LTBP1: variants seen among roughly 807,000 people sequenced by gnomAD.
LTBP1 encodes the protein latent transforming growth factor beta binding protein 1.
Under a neutral mutation model 207.6 loss-of-function variants are expected in LTBP1, and 129 were observed. The ratio of observed to expected loss-of-function variants is 0.62; its 90% CI spans 0.54 to 0.72. The LOEUF is 0.72. Ranked by LOEUF, LTBP1 falls within the 30% of genes least tolerant of loss-of-function variation. The pLI is 0.00. For synonymous variants in LTBP1, 963 were observed against 833.7 expected (o/e 1.16, Z -2.67); for missense variants, 2,281 against 2,217.2 (o/e 1.03, Z -0.58).
intron 3 of LTBP1, among the ~76,000 whole-genome samples, chr2:33,073,715 C>T (rs2077925061): frequency 6.6e-6 from 1 of 152,134 alleles, no homozygotes; most frequent in African/African-American, 2.4e-5. Context: ...TAACCTCCGC[C>T]TCCCAGGTTC....
At chr2:33,115,071 C>G (rs2080656354) in intron 4 of LTBP1, among the ~76,000 whole-genome samples, 1 of 141,704 alleles carries the variant, frequency 7.1e-6, no homozygotes, top group Admixed American at 7.3e-5. Flanking sequence ...CACACACACA[C>G]ACGTATACAC....
chr2:33,223,727 G>A (rs987327703), intron 9 of LTBP1, among the ~76,000 whole-genome samples: 1 of 152,132 alleles, frequency 6.6e-6, no homozygotes, highest in Non-Finnish European at 1.5e-5. Flanking sequence ...TGTACACTGT[G>A]CCCCTCAGAC....
chr2:33,251,061 C>A (rs1204044388), intron 10 of LTBP1, among the ~76,000 whole-genome samples: 1 of 152,134 alleles, frequency 6.6e-6, no homozygotes, highest in Non-Finnish European at 1.5e-5. Flanking sequence ...CACTTGGACC[C>A]ACTAACACCA....
At chr2:33,231,682 C>T (rs1206440733) in intron 9 of LTBP1, among the ~76,000 whole-genome samples, 1 of 152,044 alleles carries the variant, frequency 6.6e-6, no homozygotes, top group Non-Finnish European at 1.5e-5. Flanking sequence ...CCCAAGAAAG[C>T]CTGCCTGGCT....
chr2:33,336,627 T>C (rs2094556337), intron 24 of LTBP1, among the ~76,000 whole-genome samples: 1 of 152,274 alleles, frequency 6.6e-6, no homozygotes, highest in African/African-American at 2.4e-5. Context: ...TACCAAAAAA[T>C]GACACCCCCA....
intron 9 of LTBP1, among the ~76,000 whole-genome samples, chr2:33,227,367 T>C (rs768628284): frequency 6.6e-6 from 1 of 152,206 alleles, no homozygotes; most frequent in Non-Finnish European, 1.5e-5. Context: ...GGAATTATAA[T>C]GTATGTAGTA....
chr2:33,294,601 CAG>C (rs1378182243), intron 20 of LTBP1, among the ~76,000 whole-genome samples: 3 of 120,094 alleles, frequency 2.5e-5, no homozygotes, highest in South Asian at 2.7e-4. Flanking sequence ...TTTTTGGAGA[CAG>C]AGTCTTGCTC....
At chr2:33,247,104 G>T (rs1468781633) in intron 10 of LTBP1, among the ~76,000 whole-genome samples, 2 of 152,178 alleles carry the variant, frequency 1.3e-5, no homozygotes, top group Admixed American at 6.5e-5. Context: ...CCAGATAAAA[G>T]AATTCTGAGC....
chr2:33,114,431 A>G (rs572651214), intron 4 of LTBP1, among the ~76,000 whole-genome samples: 2 of 152,310 alleles, frequency 1.3e-5, no homozygotes, highest in Admixed American at 6.5e-5. Flanking sequence ...TTCTTGATCT[A>G]GAGACTCACA....
chr2:33,060,997 A>G (rs888159993), intron 3 of LTBP1, among the ~76,000 whole-genome samples: 23 of 152,190 alleles, frequency 1.5e-4, no homozygotes, highest in Non-Finnish European at 3.1e-4. Context: ...ACCAATAACA[A>G]GGATGTTTTG....
intron 26 of LTBP1, among the ~76,000 whole-genome samples, chr2:33,352,400 A>G (rs1559054569): frequency 6.6e-6 from 1 of 152,216 alleles, no homozygotes; most frequent in East Asian, 1.9e-4. Context: ...AAAGTGCTGC[A>G]ATTACAGGCA....
chr2:33,069,035 G>A (rs2077652436), intron 3 of LTBP1, among the ~76,000 whole-genome samples: 1 of 152,208 alleles, frequency 6.6e-6, no homozygotes, highest in Non-Finnish European at 1.5e-5. Context: ...AGCAGTAAAG[G>A]AAATTTTGTT....
intron 33 of LTBP1, among the ~76,000 whole-genome samples, chr2:33,397,703 T>C (rs2095372414): frequency 6.8e-6 from 1 of 146,984 alleles, no homozygotes; most frequent in Non-Finnish European, 1.5e-5. Flanking sequence ...TTTGTATTTT[T>C]AGTAGAGACG....
intron 9 of LTBP1, among the ~76,000 whole-genome samples, chr2:33,231,878 T>C (rs2091810890): frequency 6.6e-6 from 1 of 152,186 alleles, no homozygotes; most frequent in African/African-American, 2.4e-5. Flanking sequence ...TTTAACATAA[T>C]GTTAAAGAAA....
chr2:33,320,560 T>A (rs1372702932), intron 24 of LTBP1, among the ~76,000 whole-genome samples: 1 of 152,160 alleles, frequency 6.6e-6, no homozygotes, highest in Non-Finnish European at 1.5e-5. Flanking sequence ...AATGAAGCCA[T>A]ATGAAGTGCC....
At chr2:32,994,104 G>C (rs1231757577) in intron 2 of LTBP1, among the ~76,000 whole-genome samples, 2 of 151,758 alleles carry the variant, frequency 1.3e-5, no homozygotes, top group Non-Finnish European at 2.9e-5. Context: ...TCATTTATTA[G>C]CAGATCTTTC....
At chr2:33,115,742 A>T (rs1381318869) in intron 4 of LTBP1, among the ~76,000 whole-genome samples, 1 of 152,134 alleles carries the variant, frequency 6.6e-6, no homozygotes, top group Non-Finnish European at 1.5e-5. Flanking sequence ...TTTAACCCAG[A>T]GGAAGAAAAT....
At chr2:33,110,858 A>G in intron 4 of LTBP1, 107 bp downstream of exon 4, 1 of 1,075,826 alleles carries the variant, frequency 9.3e-7, no homozygotes, top group African/African-American at 1.6e-5. Context: ...AAAATTCAAG[A>G]GTCATTAAAA....
In LTBP1 at chr2:33,265,112, C is replaced by T. The variant is rs571702295; in HGVS notation, c.2617+1720C>T. On this transcript the variant is annotated intron_variant, in intron 15 of 33. Coordinates refer to ENST00000404816, the MANE Select transcript of LTBP1 (RefSeq NM_206943.4). ...ACCCAGCAGATAGGATACCCACCCA[C>T]GCTGCTGAGGGTGATCTTCTTTACA... is the stretch of plus-strand genomic sequence containing the variant. 7.9e-5 allele frequency among the ~76,000 whole-genome samples: 12 copies of T among 152,288 alleles called. 1 individual carries two copies. The highest frequency in any genetic ancestry group is 1.9e-4 in the African/African-American group (8 of 41,568).
Sources: gnomAD v4.1 joint callset for allele counts (sites outside exome capture counted in the v4.1 genomes callset) on GRCh38, gnomAD v4.1.1 for gene constraint, MANE v1.5 for transcripts, NCBI Gene and HGNC (gene_info 2026-07-23, HGNC 2026-07-21) for gene names.